The following DCTPP1 variants were observed in gnomAD, a reference collection of about 807,000 sequenced individuals.
DCTPP1 encodes the protein dCTP pyrophosphatase 1.
In DCTPP1, 8 loss-of-function variants were observed where a neutral mutation model predicts 8.8. The ratio of observed to expected loss-of-function variants is 0.91; its 90% CI spans 0.54 to 1.64. The LOEUF is 1.64. Among genes scored for constraint, DCTPP1 ranks in the 40% most tolerant of loss-of-function variants. The pLI, the probability that DCTPP1 is intolerant of heterozygous loss-of-function variation, is 0.00. For missense variants in DCTPP1, 231 were observed against 230.4 expected, an observed-to-expected ratio of 1.00 and a Z score of -0.02; for synonymous variants, 85 against 92.1, an observed-to-expected ratio of 0.92 and a Z score of 0.44.
Position 30,424,414 on chromosome 16 carries a change from C to G in DCTPP1, c.332G>C (p.Arg111Pro), listed in dbSNP as rs373815836. The part of the protein sequence containing the change: ...IYLVALAARC[R>P]VDLPLAVLSK... ...GAGCACTGCTAGCGGCAGATCCACA[C>G]GGCAGCGGGCTGCTAATGCCACCAG... Residue 111 changes from arginine (R) to proline (P), a missense_variant, in exon 3 of 3, where the codon CGT becomes CCT. Transcript: ENST00000319285. 6.2e-7 allele frequency: 1 copy of G among 1,614,094 alleles called. No homozygotes were observed. The highest frequency in any genetic ancestry group is 1.1e-5 in the South Asian group (1 of 91,094).
intron 2 of DCTPP1, among the ~76,000 whole-genome samples, chr16:30,428,635 T>G (rs1597038648): frequency 6.6e-6 from 1 of 151,848 alleles, no homozygotes; most frequent in East Asian, 1.9e-4. Flanking sequence ...CCAGGCGTGG[T>G]GGGGGGCACC....
chr16:30,424,586 G>C (rs1355422513), intron 2 of DCTPP1, 53 bp from the exon 3 acceptor site: 2 of 1,581,334 alleles, frequency 1.3e-6, no homozygotes, highest in South Asian at 1.2e-5. Flanking sequence ...GGGGCAATGG[G>C]CTCTGCCAGT....
intron 1 of DCTPP1, 58 bp from the exon 2 acceptor site, chr16:30,429,225 G>C: frequency 6.4e-7 from 1 of 1,568,718 alleles, no homozygotes; most frequent in Non-Finnish European, 8.7e-7. Context: ...TGATGCAGGG[G>C]CCAGAGGCAG....
chr16:30,426,474 C>CA (rs2050193617), intron 2 of DCTPP1, among the ~76,000 whole-genome samples: 1 of 104,516 alleles, frequency 9.6e-6, no homozygotes, highest in South Asian at 3.7e-4. Flanking sequence ...AGCACCTGGC[C>CA]GGTTTTTTTT....
chr16:30,424,650 G>A (rs2050183201), intron 2 of DCTPP1, 117 bp from the exon 3 acceptor site: 1 of 1,327,782 alleles, frequency 7.5e-7, no homozygotes. Flanking sequence ...CTGGGCCCTG[G>A]GAAGAGTCAG....
chr16:30,429,945 C>G lies in DCTPP1; in HGVS notation c.36G>C (p.Thr12=), dbSNP rs768666125. The G allele has an allele frequency of 6.3e-6, 10 of 1,585,498 alleles. No individual in the cohort carries two copies. Among genetic ancestry groups the G allele is most frequent in the African/African-American group, 1.4e-5 (1 of 72,386 alleles). Residue 12 remains threonine, a synonymous_variant, in exon 1 of 3, where the codon ACG becomes ACC. Coordinates refer to ENST00000319285, the MANE Select transcript of DCTPP1 (RefSeq NM_024096.2). ...SVAGGEIRGD[T]GGEDTAAPGR... The stretch of plus-strand genomic sequence containing the variant: ...CGGGAGCAGCAGTGTCCTCTCCCCC[C>G]GTGTCCCCACGAATCTCCCCACCGG...
intron 2 of DCTPP1, among the ~76,000 whole-genome samples, chr16:30,427,110 C>T (rs1281084882): frequency 6.8e-6 from 1 of 147,542 alleles, no homozygotes; most frequent in Non-Finnish European, 1.5e-5. Flanking sequence ...CCTGGGTTCA[C>T]GCCATTCTCC....
Position 30,429,984 on chromosome 16 carries a change from G to A in DCTPP1, c.-4C>T, listed in dbSNP as rs374301748. 336 of 1,534,032 alleles carry A rather than the reference G, an allele frequency of 2.2e-4. No homozygotes were observed. The highest frequency in any genetic ancestry group is 1.5e-3 in the African/African-American group (108 of 70,928). ...TCTCCCCACCGGCCACAGACATGCC[G>A]CCCACCGCTGCACCGCGACTTCACG... On this transcript the variant is annotated 5_prime_UTR_variant, in exon 1 of 3. Coordinates refer to ENST00000319285, the MANE Select transcript of DCTPP1 (RefSeq NM_024096.2).
At chr16:30,426,320 C>T (rs905583623) in intron 2 of DCTPP1, among the ~76,000 whole-genome samples, 2 of 151,866 alleles carry the variant, frequency 1.3e-5, no homozygotes, top group Non-Finnish European at 2.9e-5. Context: ...CGACTACAGG[C>T]GCCTGCCACC....
chr16:30,429,425 G>A (rs2050212042), intron 1 of DCTPP1: 1 of 445,376 alleles, frequency 2.2e-6, no homozygotes, highest in Non-Finnish European at 4.0e-6. Flanking sequence ...ATCTCCTGCT[G>A]CTACTTCTGC....
Position 30,429,952 on chromosome 16 carries a change from C to A in DCTPP1, c.29G>T (p.Gly10Val). 1 of 1,582,098 alleles carries A rather than the reference C, an allele frequency of 6.3e-7. No homozygotes were observed. The highest frequency in any genetic ancestry group is 1.8e-5 in the Admixed American group (1 of 56,044). Residue 10 changes from glycine to valine, a missense_variant, in exon 1 of 3, where the codon GGG (glycine) becomes GTG (valine). By Grantham distance (109) the Gly-to-Val change is moderately radical. Coordinates refer to ENST00000319285, the MANE Select transcript of DCTPP1 (RefSeq NM_024096.2). Reference sequence around the variant, plus strand: ...AGCAGTGTCCTCTCCCCCCGTGTCCCCACGAATCTCCCCACCGGCCACAGA... The same window carrying A: ...AGCAGTGTCCTCTCCCCCCGTGTCCACACGAATCTCCCCACCGGCCACAGA... MSVAGGEIR[G>V]DTGGEDTAAP... is the part of the protein sequence containing the mutation.
In DCTPP1 at chr16:30,429,058, A is replaced by G. The variant is rs1376450766; in HGVS notation, c.211T>C (p.Phe71Leu). Reference protein sequence around the residue: ...VGEVGELAELFQWKTDGEPGP... With the variant: ...VGEVGELAELLQWKTDGEPGP... ...CCAGGAAGCTTTCCATCTACTCACAAGAGTTCTGCCAGCTCCCCCACTTCC... is the reference window on the plus strand; with the variant it reads ...CCAGGAAGCTTTCCATCTACTCACAGGAGTTCTGCCAGCTCCCCCACTTCC... The change falls in exon 2 of 3, where the codon TTT becomes CTT. Residue 71 changes from phenylalanine to leucine, a missense_variant and splice_region_variant. By Grantham distance (22) the Phe-to-Leu change is conservative. Coordinates refer to ENST00000319285, the MANE Select transcript of DCTPP1 (RefSeq NM_024096.2). 1 of 1,613,266 alleles carries G rather than the reference A, an allele frequency of 6.2e-7. No homozygotes were observed. The highest frequency in any genetic ancestry group is 1.3e-5 in the African/African-American group (1 of 74,900).
intron 2 of DCTPP1, 111 bp from the exon 3 acceptor site, chr16:30,424,644 G>GC: frequency 7.2e-7 from 1 of 1,384,000 alleles, no homozygotes; most frequent in East Asian, 2.4e-5. Flanking sequence ...ACCAATCTGG[G>GC]CCCTGGGAAG....
In DCTPP1 at chr16:30,429,910, C is replaced by G. The variant is rs1434474683; in HGVS notation, c.71G>C (p.Ser24Thr). The G allele has an allele frequency of 1.3e-6, 2 of 1,595,354 alleles. No individual in the cohort carries two copies. The highest frequency in any genetic ancestry group is 2.7e-5 in the African/African-American group (2 of 72,994). The change falls in exon 1 of 3, where the codon AGC (serine) becomes ACC (threonine). Residue 24 changes from serine to threonine, a missense_variant. Coordinates refer to ENST00000319285, the MANE Select transcript of DCTPP1 (RefSeq NM_024096.2). ...GEDTAAPGRFSFSPEPTLEDI... is the reference protein window; with the variant it reads ...GEDTAAPGRFTFSPEPTLEDI... ...CTCGAGCGTGGGCTCCGGGCTGAAGCTGAACCGGCCGGGAGCAGCAGTGTC... is the reference window on the plus strand; with the variant it reads ...CTCGAGCGTGGGCTCCGGGCTGAAGGTGAACCGGCCGGGAGCAGCAGTGTC...
chr16:30,424,487 T>G lies in DCTPP1; in HGVS notation c.259A>C (p.Arg87=), dbSNP rs2050181654. ...TCCTCTTGAAGGGCTGCCCGTTCCC[T>G]GGGGGACCAGCCTTGGGGGCCAGGT... The part of the protein sequence containing the change: ...GEPGPQGWSP[R]ERAALQEELS... The change falls in exon 3 of 3, where the codon AGG becomes CGG. Residue 87 remains arginine (R), a synonymous_variant. Coordinates refer to ENST00000319285, the MANE Select transcript of DCTPP1 (RefSeq NM_024096.2). 1 of 1,614,048 alleles carries G rather than the reference T, an allele frequency of 6.2e-7. No homozygotes were observed. The highest frequency in any genetic ancestry group is 1.3e-5 in the African/African-American group (1 of 74,932).
In DCTPP1 at chr16:30,429,926, C is replaced by A; in HGVS notation, c.55G>T (p.Ala19Ser). The change falls in exon 1 of 3, where the codon GCT (alanine) becomes TCT (serine). Residue 19 changes from alanine to serine, a missense_variant. Coordinates refer to ENST00000319285, the MANE Select transcript of DCTPP1 (RefSeq NM_024096.2). ...RGDTGGEDTA[A>S]PGRFSFSPEP... is the part of the protein sequence containing the mutation. Reference sequence around the variant, plus strand: ...GGGCTGAAGCTGAACCGGCCGGGAGCAGCAGTGTCCTCTCCCCCCGTGTCC... The same window carrying A: ...GGGCTGAAGCTGAACCGGCCGGGAGAAGCAGTGTCCTCTCCCCCCGTGTCC... 1 of 1,592,914 alleles carries A rather than the reference C, an allele frequency of 6.3e-7. No individual in the cohort carries two copies. Among genetic ancestry groups the A allele is most frequent in the African/African-American group, 1.4e-5 (1 of 72,936 alleles).
At chr16:30,425,963 A>G (rs1390074516) in intron 2 of DCTPP1, among the ~76,000 whole-genome samples, 1 of 152,114 alleles carries the variant, frequency 6.6e-6, no homozygotes, top group African/African-American at 2.4e-5. Context: ...GCCTTTTCCA[A>G]TGCCACTGCC....
Position 30,423,864 on chromosome 16 carries a change from A to C in DCTPP1, c.*369T>G. The C allele has an allele frequency of 4.9e-6, 1 of 204,468 alleles. No homozygotes were observed. Among genetic ancestry groups the C allele is most frequent in the African/African-American group, 2.3e-5 (1 of 42,906 alleles). 12.7% of individuals were successfully genotyped at this position (204,468 alleles called of 1,614,324 possible). On this transcript the variant is annotated 3_prime_UTR_variant, in exon 3 of 3. Coordinates refer to ENST00000319285, the MANE Select transcript of DCTPP1 (RefSeq NM_024096.2). ...CAGCCTTCAATCTCTAAGAGGGGGA[A>C]GGAACTTACATGACATCCTACTGGG...
chr16:30,429,774 C>G, intron 1 of DCTPP1, 106 bp downstream of exon 1: 1 of 1,148,548 alleles, frequency 8.7e-7, no homozygotes, highest in Non-Finnish European at 1.2e-6. Flanking sequence ...GAGCCAGGAC[C>G]CGAGCCCCGC....
Sources: gnomAD v4.1 joint callset for allele counts (sites outside exome capture counted in the v4.1 genomes callset) on GRCh38, gnomAD v4.1.1 for gene constraint, MANE v1.5 for transcripts, NCBI Gene and HGNC (gene_info 2026-07-23, HGNC 2026-07-21) for gene names.